The following CFAP57 variants were observed in gnomAD, a reference collection of about 807,000 sequenced individuals.
CFAP57 encodes cilia and flagella associated protein 57.
Under a neutral mutation model 146.8 loss-of-function variants are expected in CFAP57, and 116 were observed. The ratio of observed to expected loss-of-function variants is 0.79; its 90% CI spans 0.68 to 0.92. CFAP57 has a LOEUF of 0.92. CFAP57 is among the 40% of genes least tolerant of loss of function. The pLI, the probability that CFAP57 is intolerant of heterozygous loss-of-function variation, is 0.00. For synonymous variants in CFAP57, 518 were observed against 552.8 expected (o/e 0.94, Z 0.88); for missense variants, 1,377 against 1,527.2 (o/e 0.90, Z 1.64).
intron 6 of CFAP57, among the ~76,000 whole-genome samples, chr1:43,193,486 TTTAA>T (rs1643670632): frequency 6.6e-6 from 1 of 152,058 alleles, no homozygotes; most frequent in Admixed American, 6.5e-5. Context: ...TTTTAATATC[TTTAA>T]TTATTTTTCC....
At chr1:43,215,144 T>C in intron 11 of CFAP57, 111 bp from the exon 12 acceptor site, 2 of 1,288,442 alleles carry the variant, frequency 1.6e-6, no homozygotes, top group Non-Finnish European at 2.2e-6. Flanking sequence ...TTTACCTCCC[T>C]GTGAGGCTGT....
chr1:43,216,465 C>T (rs765916540), intron 12 of CFAP57, among the ~76,000 whole-genome samples: 6 of 152,158 alleles, frequency 3.9e-5, no homozygotes, highest in Non-Finnish European at 8.8e-5. Flanking sequence ...TCTCTGTTAT[C>T]TTTTCTGTTC....
chr1:43,234,778 T>C, intron 21 of CFAP57, 140 bp downstream of exon 21: 2 of 1,128,302 alleles, frequency 1.8e-6, no homozygotes, highest in Non-Finnish European at 2.4e-6. Flanking sequence ...AAAGTCTTAT[T>C]TTGGCTCCTC....
At position 43,209,823 on chromosome 1, in the gene CFAP57, C is replaced by A. The variant is rs769804351; in HGVS notation, c.1836C>A (p.Gly612=). Residue 612 remains glycine (G), a synonymous_variant, in exon 11 of 23, where the codon GGC becomes GGA. Coordinates refer to ENST00000372492, the MANE Select transcript of CFAP57 (RefSeq NM_001378189.1). ...ISHSGRMMFV[G]TSVGTIRAMK... is the part of the protein sequence containing the mutation. ...ATTCTGGACGCATGATGTTTGTGGGCACCTCGGTGGGAACCATTCGTGCCA... is the reference window on the plus strand; with the variant it reads ...ATTCTGGACGCATGATGTTTGTGGGAACCTCGGTGGGAACCATTCGTGCCA... 23 of 1,614,094 alleles carry A rather than the reference C, an allele frequency of 1.4e-5. No individual in the cohort carries two copies. The highest frequency in any genetic ancestry group is 1.0e-4 in the Admixed American group (6 of 60,014).
At chr1:43,173,383 C>G (rs1358600435) in intron 2 of CFAP57, among the ~76,000 whole-genome samples, 2 of 152,206 alleles carry the variant, frequency 1.3e-5, no homozygotes, top group East Asian at 3.8e-4. Flanking sequence ...TAATGATATT[C>G]ATTATTTCAA....
chr1:43,198,335 A>G, intron 7 of CFAP57, 146 bp from the exon 8 acceptor site: 1 of 911,938 alleles, frequency 1.1e-6, no homozygotes, highest in South Asian at 1.5e-5. Context: ...TCCCCTAATA[A>G]CCAAGATCTA....
intron 2 of CFAP57, among the ~76,000 whole-genome samples, chr1:43,179,914 A>G (rs1298509776): frequency 6.6e-6 from 1 of 152,126 alleles, no homozygotes; most frequent in Admixed American, 6.5e-5. Context: ...ATGTTTAAAA[A>G]TATATTTATA....
At chr1:43,197,904 C>G (rs1398362422) in intron 7 of CFAP57, among the ~76,000 whole-genome samples, 1 of 152,214 alleles carries the variant, frequency 6.6e-6, no homozygotes, top group African/African-American at 2.4e-5. Flanking sequence ...TTACCACATG[C>G]TAGACACTGG....
intron 1 of CFAP57, 115 bp downstream of exon 1, chr1:43,172,568 A>AG: frequency 2.6e-6 from 1 of 379,028 alleles, no homozygotes; most frequent in Non-Finnish European, 4.4e-6. Context: ...ACCCCGGGGG[A>AG]GGGGAAAGGG....
At chr1:43,176,494 G>A (rs961405402) in intron 2 of CFAP57, among the ~76,000 whole-genome samples, 1 of 152,176 alleles carries the variant, frequency 6.6e-6, no homozygotes, top group African/African-American at 2.4e-5. Flanking sequence ...CTCCTCATCT[G>A]TAAGATGCAG....
At chr1:43,226,374 G>A (rs114178023) in intron 17 of CFAP57, among the ~76,000 whole-genome samples, 2,473 of 152,278 alleles carry the variant, frequency 0.016, 37 homozygotes, top group Non-Finnish European at 0.026. Flanking sequence ...CACATGTCTG[G>A]CACCTTGGCA....
intron 6 of CFAP57, among the ~76,000 whole-genome samples, chr1:43,187,308 A>C (rs1643194576): frequency 6.6e-6 from 1 of 152,228 alleles, no homozygotes; most frequent in African/African-American, 2.4e-5. Flanking sequence ...ATTGTACTTA[A>C]AATGGCTCAG....
chr1:43,182,748 G>A (rs957331764), intron 3 of CFAP57, among the ~76,000 whole-genome samples: 1 of 152,202 alleles, frequency 6.6e-6, no homozygotes, highest in African/African-American at 2.4e-5. Flanking sequence ...CTGACTAGTA[G>A]ATTCAGCAAC....
At chr1:43,244,297 G>T (rs1024240590) in intron 22 of CFAP57, among the ~76,000 whole-genome samples, 2 of 152,150 alleles carry the variant, frequency 1.3e-5, no homozygotes, top group Admixed American at 6.5e-5. Flanking sequence ...GCTATGGATT[G>T]GGTCTCTGAA....
At chr1:43,235,720 C>T (rs1189280950) in intron 21 of CFAP57, among the ~76,000 whole-genome samples, 1 of 152,156 alleles carries the variant, frequency 6.6e-6, no homozygotes, top group Non-Finnish European at 1.5e-5. Context: ...CACCAGCAGC[C>T]GCACACTGAG....
chr1:43,185,678 CAAA>C (rs57421849), intron 5 of CFAP57, among the ~76,000 whole-genome samples: 1 of 65,672 alleles, frequency 1.5e-5, no homozygotes. Flanking sequence ...CCCATCTCTA[CAAA>C]AAAAAAAAAA....
intron 18 of CFAP57, among the ~76,000 whole-genome samples, chr1:43,230,775 C>G (rs1201206737): frequency 6.6e-6 from 1 of 152,244 alleles, no homozygotes; most frequent in African/African-American, 2.4e-5. Context: ...ACAGTGCTTT[C>G]TGCCTTAACT....
chr1:43,197,180 G>C (rs771668979), intron 6 of CFAP57, among the ~76,000 whole-genome samples: 7 of 151,884 alleles, frequency 4.6e-5, no homozygotes, highest in Middle Eastern at 3.4e-3. Context: ...TAGTGAAACC[G>C]CGTCTCTACT....
In CFAP57 at chr1:43,219,429, G is replaced by A. The variant is rs774758693; in HGVS notation, c.2139G>A (p.Met713Ile). Residue 713 changes from methionine to isoleucine, a missense_variant, in exon 13 of 23, where the codon ATG becomes ATA. Transcript: ENST00000372492. ...ELKTRVEELK[M>I]ENEYQLRLKD... ...AGACTCGTGTGGAGGAATTAAAAAT[G>A]GAGAATGAGTATCAACTCCGACTAA... The A allele has an allele frequency of 8.7e-5, 135 of 1,550,594 alleles. No individual in the cohort carries two copies. The highest frequency in any genetic ancestry group is 3.9e-5 in the Admixed American group (2 of 50,994).
Sources: gnomAD v4.1 joint callset for allele counts (sites outside exome capture counted in the v4.1 genomes callset) on GRCh38, gnomAD v4.1.1 for gene constraint, MANE v1.5 for transcripts, NCBI Gene and HGNC (gene_info 2026-07-23, HGNC 2026-07-21) for gene names.